Variants in CSMD1 observed in about 807,000 individuals in gnomAD.
CSMD1 encodes the protein CUB and Sushi multiple domains 1, also known as CUB and sushi domain-containing protein 1.
CSMD1 carries 213 observed loss-of-function variants against 417.5 expected under a neutral mutation model. The observed-to-expected ratio is 0.51, with a 90% CI of 0.46 to 0.57. The LOEUF (loss-of-function observed/expected upper bound fraction) is 0.57, where lower values mean the gene tolerates loss of function less well. Among genes scored for constraint, CSMD1 ranks in the 20% least tolerant of loss-of-function variants. The probability of loss-of-function intolerance (pLI) is 0.00; values close to 1 mark genes in which losing one functional copy is unlikely to be tolerated. For missense variants in CSMD1, 6,923 were observed against 4,529.7 expected, an observed-to-expected ratio of 1.53 and a Z score of -15.17; for synonymous variants, 2,862 against 1,736.8, an observed-to-expected ratio of 1.65 and a Z score of -16.11.
At chr8:3,005,459 A>C (rs537685298) in intron 52 of CSMD1, among the ~76,000 whole-genome samples, 6 of 152,126 alleles carry the variant, frequency 3.9e-5, no homozygotes, top group African/African-American at 1.4e-4. Context: ...GCTGGGCAGA[A>C]ACACAACCAA....
At chr8:3,744,737 C>T (rs73187287) in intron 6 of CSMD1, among the ~76,000 whole-genome samples, 6,222 of 152,276 alleles carry the variant, frequency 0.041, 162 homozygotes, top group African/African-American at 0.059. Flanking sequence ...CAGTGACTTA[C>T]AGCATTAGGG....
chr8:4,094,671 G>A (rs140972972), intron 3 of CSMD1, among the ~76,000 whole-genome samples: 1 of 152,274 alleles, frequency 6.6e-6, no homozygotes, highest in East Asian at 1.9e-4. Context: ...CACTTCAGAT[G>A]CATTTACAGA....
chr8:2,984,954 G>C (rs1038418654), intron 54 of CSMD1, among the ~76,000 whole-genome samples: 1 of 152,182 alleles, frequency 6.6e-6, no homozygotes, highest in Non-Finnish European at 1.5e-5. Flanking sequence ...CATTGAAAAT[G>C]TTTTAAAGTA....
chr8:2,986,458 C>G (rs973929477), intron 54 of CSMD1, among the ~76,000 whole-genome samples: 13 of 152,118 alleles, frequency 8.5e-5, no homozygotes, highest in Non-Finnish European at 1.8e-4. Flanking sequence ...CTCAGCAACA[C>G]TCCCTCTAAG....
chr8:3,249,033 A>T (rs1194076351), intron 26 of CSMD1, among the ~76,000 whole-genome samples: 1 of 152,132 alleles, frequency 6.6e-6, no homozygotes, highest in African/African-American at 2.4e-5. Flanking sequence ...GCTCGTTGAT[A>T]AACCAAGTAG....
At chr8:4,584,101 G>A (rs1317729359) in intron 2 of CSMD1, among the ~76,000 whole-genome samples, 1 of 151,870 alleles carries the variant, frequency 6.6e-6, no homozygotes, top group African/African-American at 2.4e-5. Context: ...CCCACTAGAA[G>A]GAAGAAACTC....
intron 52 of CSMD1, among the ~76,000 whole-genome samples, chr8:3,006,444 A>G (rs1252449974): frequency 1.3e-5 from 2 of 151,878 alleles, no homozygotes; most frequent in African/African-American, 4.8e-5. Context: ...TATGGAACCA[A>G]AAAAGAGCCC....
chr8:4,142,011 T>A (rs1233303623), intron 3 of CSMD1, among the ~76,000 whole-genome samples: 1 of 150,788 alleles, frequency 6.6e-6, no homozygotes, highest in Non-Finnish European at 1.5e-5. Context: ...TTCAATGATG[T>A]TCCAAAACTT....
intron 50 of CSMD1, among the ~76,000 whole-genome samples, chr8:3,039,354 CCTT>C (rs1810921129): frequency 6.8e-6 from 1 of 148,072 alleles, no homozygotes; most frequent in Admixed American, 6.7e-5. Context: ...CGCCTTCCTT[CCTT>C]CCTCCTTTAC....
At chr8:4,535,214 A>T (rs946218882) in intron 2 of CSMD1, among the ~76,000 whole-genome samples, 10 of 152,234 alleles carry the variant, frequency 6.6e-5, no homozygotes, top group Non-Finnish European at 1.2e-4. Context: ...TATCAATAAC[A>T]TAGTCAATAA....
At chr8:4,572,789 C>T (rs1193542493) in intron 2 of CSMD1, among the ~76,000 whole-genome samples, 1 of 152,166 alleles carries the variant, frequency 6.6e-6, no homozygotes, top group Non-Finnish European at 1.5e-5. Context: ...CACACAGTCC[C>T]ATATTTCTTG....
chr8:4,387,634 AC>A (rs1229727699), intron 3 of CSMD1, among the ~76,000 whole-genome samples: 1 of 148,868 alleles, frequency 6.7e-6, no homozygotes, highest in African/African-American at 2.5e-5. Flanking sequence ...TTAATATGAA[AC>A]CATTTACAAT....
intron 37 of CSMD1, among the ~76,000 whole-genome samples, chr8:3,179,639 C>G (rs1046786041): frequency 3.9e-5 from 6 of 152,040 alleles, no homozygotes; most frequent in African/African-American, 1.4e-4. Flanking sequence ...GAATAAAAAC[C>G]CAGATGCTAC....
At chr8:3,655,355 C>T (rs745776271) in intron 7 of CSMD1, among the ~76,000 whole-genome samples, 10 of 152,292 alleles carry the variant, frequency 6.6e-5, no homozygotes, top group African/African-American at 1.9e-4. Flanking sequence ...TTCCCTACAG[C>T]GAATTTGGCA....
chr8:3,796,259 A>T (rs1800111206), intron 5 of CSMD1, among the ~76,000 whole-genome samples: 1 of 43,968 alleles, frequency 2.3e-5, no homozygotes, highest in African/African-American at 7.1e-5. Context: ...TCTATCATGT[A>T]TAGATATAGA....
chr8:3,539,209 T>C (rs563864681), intron 10 of CSMD1, among the ~76,000 whole-genome samples: 1 of 152,268 alleles, frequency 6.6e-6, no homozygotes, highest in East Asian at 1.9e-4. Context: ...TGGAAGGATG[T>C]TCGCAAGGCT....
chr8:4,119,640 A>G (rs1180484645), intron 3 of CSMD1, among the ~76,000 whole-genome samples: 1 of 152,162 alleles, frequency 6.6e-6, no homozygotes, highest in Non-Finnish European at 1.5e-5. Context: ...TCTGTGAGGA[A>G]CAAGGAAGCA....
At chr8:4,332,679 C>T (rs1799941099) in intron 3 of CSMD1, among the ~76,000 whole-genome samples, 1 of 151,550 alleles carries the variant, frequency 6.6e-6, no homozygotes, top group Non-Finnish European at 1.5e-5. Flanking sequence ...AGCTGGCACC[C>T]CTGGGGGAAT....
intron 3 of CSMD1, among the ~76,000 whole-genome samples, chr8:4,272,087 C>T (rs1804636169): frequency 6.6e-6 from 1 of 152,026 alleles, no homozygotes; most frequent in Non-Finnish European, 1.5e-5. Context: ...GTTCAACTAT[C>T]AACTGTACAC....
Sources: gnomAD v4.1 joint callset for allele counts (sites outside exome capture counted in the v4.1 genomes callset) on GRCh38, gnomAD v4.1.1 for gene constraint, MANE v1.5 for transcripts, NCBI Gene and HGNC (gene_info 2026-07-23, HGNC 2026-07-21) for gene names.